The following IL1RAPL2 variants were observed in gnomAD, a reference collection of about 807,000 sequenced individuals.
The protein encoded by IL1RAPL2 is interleukin 1 receptor accessory protein like 2, also known as X-linked interleukin-1 receptor accessory protein-like 2.
A neutral mutation model predicts 44.1 loss-of-function variants in IL1RAPL2; 3 were observed. The ratio of observed to expected loss-of-function variants is 0.07; its 90% CI spans 0.03 to 0.18. IL1RAPL2 has a LOEUF of 0.18. IL1RAPL2 is among the 10% of genes least tolerant of loss of function. The pLI, the probability that IL1RAPL2 is intolerant of heterozygous loss-of-function variation, is 1.00. For missense variants in IL1RAPL2, 391 were observed against 496.4 expected, an observed-to-expected ratio of 0.79 and a Z score of 2.02; for synonymous variants, 181 against 178.8, an observed-to-expected ratio of 1.01 and a Z score of -0.10.
chrX:105,725,682 C>T (rs183484078), intron 7 of IL1RAPL2, among the ~76,000 whole-genome samples: 1 of 111,573 alleles, frequency 9.0e-6, no homozygotes, highest in African/African-American at 3.2e-5. Flanking sequence ...CCCAGGCAGT[C>T]CTAGGGAAAA....
At chrX:105,445,474 T>C (rs894870916) in intron 5 of IL1RAPL2, among the ~76,000 whole-genome samples, 1 of 111,520 alleles carries the variant, frequency 9.0e-6, no homozygotes, top group African/African-American at 3.3e-5. Context: ...GTAGTTCTTT[T>C]AGATGTATCA....
intron 1 of IL1RAPL2, among the ~76,000 whole-genome samples, chrX:104,575,003 A>G: frequency 8.9e-6 from 1 of 112,071 alleles, no homozygotes; most frequent in East Asian, 2.8e-4. Flanking sequence ...TAAAATGCTT[A>G]TGGTACTCAA....
intron 2 of IL1RAPL2, among the ~76,000 whole-genome samples, chrX:105,119,833 GATA>G (rs1258025872): frequency 1.8e-5 from 2 of 110,818 alleles, no homozygotes; most frequent in East Asian, 2.9e-4. Context: ...TTATTGTAAT[GATA>G]ATGATGATAA....
chrX:105,760,299 G>A (rs2038676310), intron 10 of IL1RAPL2, among the ~76,000 whole-genome samples: 1 of 111,832 alleles, frequency 8.9e-6, no homozygotes, highest in Admixed American at 9.5e-5. Context: ...AGTACTGGAG[G>A]AAACACAGAA....
chrX:105,159,473 T>C (rs1249809357), intron 2 of IL1RAPL2, among the ~76,000 whole-genome samples: 1 of 112,179 alleles, frequency 8.9e-6, no homozygotes, highest in Non-Finnish European at 1.9e-5. Context: ...AAATGAGATA[T>C]GAAATAGGAT....
intron 5 of IL1RAPL2, among the ~76,000 whole-genome samples, chrX:105,294,555 T>G (rs764849655): frequency 1.2e-4 from 13 of 112,327 alleles, no homozygotes; most frequent in Non-Finnish European, 2.1e-4. Context: ...TGGTTTAACC[T>G]TTGTCTCTGG....
At chrX:104,937,856 A>G (rs1569346266) in intron 2 of IL1RAPL2, among the ~76,000 whole-genome samples, 2 of 112,512 alleles carry the variant, frequency 1.8e-5, no homozygotes, top group Admixed American at 9.5e-5. Flanking sequence ...CTATCTTACT[A>G]AAGTAGTGAT....
chrX:105,424,313 G>T (rs1322154129), intron 5 of IL1RAPL2, among the ~76,000 whole-genome samples: 1 of 111,192 alleles, frequency 9.0e-6, no homozygotes, highest in Non-Finnish European at 1.9e-5. Flanking sequence ...TCAAAGTGGA[G>T]AATGGTCTTC....
intron 2 of IL1RAPL2, among the ~76,000 whole-genome samples, chrX:104,933,983 G>A (rs1381729320): frequency 9.0e-6 from 1 of 111,572 alleles, no homozygotes; most frequent in East Asian, 2.8e-4. Context: ...AAATTATTTT[G>A]GAGATTTCAA....
intron 2 of IL1RAPL2, among the ~76,000 whole-genome samples, chrX:105,144,094 GGTGTGTGTGTGTGTGTGTGT>G (rs762069943): frequency 3.9e-4 from 31 of 79,562 alleles, no homozygotes; most frequent in Non-Finnish European, 5.5e-4. Context: ...TCAACAGATG[GGTGTGTGTGTGTGTGTGTGT>G]GTGTGTGTGT....
At chrX:105,559,817 G>T (rs955206085) in intron 6 of IL1RAPL2, among the ~76,000 whole-genome samples, 6 of 111,780 alleles carry the variant, frequency 5.4e-5, no homozygotes, top group African/African-American at 2.0e-4. Context: ...GCCACTCTGG[G>T]TAAAAATGGG....
At chrX:105,141,387 G>A (rs886902673) in intron 2 of IL1RAPL2, among the ~76,000 whole-genome samples, 6 of 110,538 alleles carry the variant, frequency 5.4e-5, no homozygotes, top group African/African-American at 1.6e-4. Context: ...ACAATGCTGG[G>A]GTTGGGGGCT....
chrX:104,635,677 G>T (rs752079820), intron 1 of IL1RAPL2, among the ~76,000 whole-genome samples: 1 of 111,468 alleles, frequency 9.0e-6, no homozygotes, highest in Non-Finnish European at 1.9e-5. Context: ...TTCTCGTTCC[G>T]TGGTTTTCAG....
chrX:105,721,093 T>C (rs1306510966), intron 7 of IL1RAPL2, among the ~76,000 whole-genome samples: 7 of 111,655 alleles, frequency 6.3e-5, no homozygotes, highest in African/African-American at 2.0e-4. Context: ...AATTGTTGTA[T>C]AGTCATATAA....
At chrX:105,383,390 A>G (rs755058168) in intron 5 of IL1RAPL2, among the ~76,000 whole-genome samples, 1 of 111,768 alleles carries the variant, frequency 8.9e-6, no homozygotes, top group South Asian at 3.7e-4. Flanking sequence ...TTCACTTCAC[A>G]TAATGTCTTC....
At chrX:104,867,135 G>A (rs1459493548) in intron 2 of IL1RAPL2, among the ~76,000 whole-genome samples, 2 of 107,389 alleles carry the variant, frequency 1.9e-5, no homozygotes, top group African/African-American at 6.8e-5. Flanking sequence ...TACTCGGGAG[G>A]CTGAGGCAGG....
chrX:105,532,218 T>A (rs764150192), intron 6 of IL1RAPL2, among the ~76,000 whole-genome samples: 41 of 111,723 alleles, frequency 3.7e-4, no homozygotes, highest in Middle Eastern at 4.6e-3. Flanking sequence ...GTAAATGAGT[T>A]TATATTGATA....
chrX:104,568,143 C>G (rs1202863822), intron 1 of IL1RAPL2, among the ~76,000 whole-genome samples: 1 of 110,735 alleles, frequency 9.0e-6, no homozygotes, highest in African/African-American at 3.3e-5. Context: ...AATGAGGAAG[C>G]GGGACCTGCC....
chrX:104,842,319 G>T (rs2147636097), intron 2 of IL1RAPL2, among the ~76,000 whole-genome samples: 1 of 110,413 alleles, frequency 9.1e-6, no homozygotes, highest in African/African-American at 3.3e-5. Flanking sequence ...TAGCTTCCTT[G>T]CATTGGGTTA....
Sources: gnomAD v4.1 joint callset for allele counts (sites outside exome capture counted in the v4.1 genomes callset) on GRCh38, gnomAD v4.1.1 for gene constraint, MANE v1.5 for transcripts, NCBI Gene and HGNC (gene_info 2026-07-23, HGNC 2026-07-21) for gene names.